Variants in NLGN1 observed in about 807,000 individuals in gnomAD.
NLGN1 encodes the protein neuroligin-1.
In NLGN1, 12 loss-of-function variants were observed where a neutral mutation model predicts 65.5. The observed-to-expected ratio is 0.18, with a 90% confidence interval of 0.12 to 0.30. The LOEUF (loss-of-function observed/expected upper bound fraction) is 0.30. NLGN1 is among the 10% of genes least tolerant of loss of function. The probability of loss-of-function intolerance (pLI) is 1.00; values close to 1 mark genes in which losing one functional copy is unlikely to be tolerated. For synonymous variants in NLGN1, 350 were observed against 359.5 expected (o/e 0.97, Z 0.30); for missense variants, 750 against 1,007.1 (o/e 0.74, Z 3.46).
rs77605560 is a variant in NLGN1 at position 173,470,473 on chromosome 3, A to G, written c.-321+35395A>G. Among the ~76,000 whole-genome samples the G allele has an allele frequency of 6.1e-3, 921 of 152,152 alleles. 15 individuals carry two copies. Among genetic ancestry groups the G allele is most frequent in the African/African-American group, 0.021 (889 of 41,534 alleles). On this transcript the variant is annotated intron_variant, in intron 2 of 6. Transcript: ENST00000457714. ...CTGACCTCATCCTTTATCCCCAAAC[A>G]CACGTAGCGCTTGTAGCAGAGGGAC...
chr3:174,063,472 T>G (rs1001632777), intron 4 of NLGN1, among the ~76,000 whole-genome samples: 2 of 152,172 alleles, frequency 1.3e-5, no homozygotes, highest in African/African-American at 4.8e-5. Context: ...TTCTTTTATT[T>G]TCTTATTTTT....
intron 2 of NLGN1, among the ~76,000 whole-genome samples, chr3:173,538,269 G>A (rs867221666): frequency 1.3e-5 from 2 of 152,120 alleles, no homozygotes; most frequent in Non-Finnish European, 2.9e-5. Context: ...TCACTGTAAC[G>A]AAATCTTTAG....
intron 2 of NLGN1, among the ~76,000 whole-genome samples, chr3:173,545,457 A>G (rs1451172438): frequency 6.6e-6 from 1 of 152,232 alleles, no homozygotes; most frequent in Admixed American, 6.5e-5. Context: ...AAAACTTACA[A>G]CTTTAACAAA....
intron 4 of NLGN1, among the ~76,000 whole-genome samples, chr3:174,096,637 A>C (rs1273058064): frequency 6.6e-6 from 1 of 152,180 alleles, no homozygotes; most frequent in African/African-American, 2.4e-5. Flanking sequence ...AATATATTAT[A>C]AATTTTAGAA....
chr3:174,192,097 C>T (rs1056890263), intron 4 of NLGN1, among the ~76,000 whole-genome samples: 5 of 151,812 alleles, frequency 3.3e-5, no homozygotes, highest in Admixed American at 6.6e-5. Flanking sequence ...CATCATATTC[C>T]GTTGTATATT....
chr3:173,468,658 C>T (rs1247070633), intron 2 of NLGN1, among the ~76,000 whole-genome samples: 2 of 151,994 alleles, frequency 1.3e-5, no homozygotes, highest in African/African-American at 4.8e-5. Flanking sequence ...TTGAATTCAA[C>T]GTTTTCCCAT....
At chr3:173,969,536 A>G (rs114469078) in intron 4 of NLGN1, among the ~76,000 whole-genome samples, 2,321 of 152,208 alleles carry the variant, frequency 0.015, 65 homozygotes, top group African/African-American at 0.052. Flanking sequence ...TACATTGACA[A>G]CATATATAAA....
In NLGN1 at chr3:174,263,001, G is replaced by A. The variant is rs1238167420; in HGVS notation, c.647-12314G>A. On this transcript the variant is annotated intron_variant, in intron 4 of 6. Transcript: ENST00000457714. ...TCCATGTAGTTGAGCGGCTTTGAGTGAGATTCTTAATCCTGAGTTCTAGTT... is the reference window on the plus strand; with the variant it reads ...TCCATGTAGTTGAGCGGCTTTGAGTAAGATTCTTAATCCTGAGTTCTAGTT... Among the ~76,000 whole-genome samples the A allele has an allele frequency of 2.7e-3, 343 of 128,328 alleles. 3 individuals carry two copies. Among genetic ancestry groups the A allele is most frequent in the Non-Finnish European group, 4.2e-3 (259 of 61,940 alleles). 84.2% of individuals were successfully genotyped at this position (128,328 alleles called of 152,430 possible).
chr3:174,098,769 G>A (rs577861028), intron 4 of NLGN1, among the ~76,000 whole-genome samples: 1 of 152,276 alleles, frequency 6.6e-6, no homozygotes, highest in African/African-American at 2.4e-5. Flanking sequence ...AGTAACAAGA[G>A]TATAATCGAT....
chr3:173,652,604 TTGTC>T (rs1187849989), intron 3 of NLGN1, among the ~76,000 whole-genome samples: 1 of 152,126 alleles, frequency 6.6e-6, no homozygotes, highest in Non-Finnish European at 1.5e-5. Flanking sequence ...GTTGATCTAT[TTGTC>T]TGTTTGTATA....
intron 2 of NLGN1, among the ~76,000 whole-genome samples, chr3:173,498,488 A>C (rs1405804035): frequency 4.0e-5 from 6 of 151,774 alleles, no homozygotes; most frequent in Non-Finnish European, 8.8e-5. Context: ...AGTCTTTACT[A>C]TTGTGAATAG....
At chr3:173,501,755 A>G (rs912867903) in intron 2 of NLGN1, among the ~76,000 whole-genome samples, 1 of 151,778 alleles carries the variant, frequency 6.6e-6, no homozygotes, top group Non-Finnish European at 1.5e-5. Context: ...TGTTCAGTGT[A>G]TGTAAAAACA....
intron 3 of NLGN1, among the ~76,000 whole-genome samples, chr3:173,718,021 A>T (rs1369834538): frequency 6.6e-6 from 1 of 152,094 alleles, no homozygotes; most frequent in East Asian, 1.9e-4. Flanking sequence ...TTTTTTATTG[A>T]CATTAAACAA....
chr3:174,286,950 ACTT>A, downstream of NLGN1, among the ~76,000 whole-genome samples: 1 of 151,624 alleles, frequency 6.6e-6, no homozygotes, highest in Middle Eastern at 3.4e-3. Flanking sequence ...AGGAAGAAAA[ACTT>A]CTCAATTTTA....
intron 4 of NLGN1, among the ~76,000 whole-genome samples, chr3:174,083,411 G>A (rs1005393409): frequency 3.3e-5 from 5 of 152,000 alleles, no homozygotes; most frequent in African/African-American, 9.7e-5. Context: ...CACATAGTAG[G>A]TAGTAAATAT....
At chr3:173,937,162 A>G (rs1446271512) in intron 4 of NLGN1, among the ~76,000 whole-genome samples, 3 of 152,070 alleles carry the variant, frequency 2.0e-5, no homozygotes, top group Non-Finnish European at 4.4e-5. Flanking sequence ...TAGAAATGTG[A>G]CCAAAATTAG....
intron 3 of NLGN1, among the ~76,000 whole-genome samples, chr3:173,730,610 T>C (rs1772658954): frequency 6.6e-6 from 1 of 152,074 alleles, no homozygotes; most frequent in African/African-American, 2.4e-5. Context: ...GTCACTGTAC[T>C]GGACAGCACT....
intron 4 of NLGN1, among the ~76,000 whole-genome samples, chr3:174,200,963 A>G (rs1187905853): frequency 6.6e-6 from 1 of 152,168 alleles, no homozygotes; most frequent in Admixed American, 6.5e-5. Context: ...CTGTCAGGGC[A>G]TGGTTGTTCA....
rs1264263741 is a variant in NLGN1 at position 173,552,364 on chromosome 3, T to TC, written c.-320-51914dup. Among the ~76,000 whole-genome samples the TC allele has an allele frequency of 2.0e-5, 3 of 152,288 alleles. No homozygotes were observed. In the East Asian group the frequency reaches 5.8e-4, roughly 29 times the overall value. On this transcript the variant is annotated intron_variant, in intron 2 of 6. Coordinates refer to ENST00000457714, the Ensembl canonical transcript of NLGN1. The stretch of plus-strand genomic sequence containing the variant: ...AAATAATTTGAGAGAGTTTTTTTTT[T>TC]CTCAAAGGATCTATGCATCAGATAA...
Sources: allele counts gnomAD v4.1 joint callset (sites outside exome capture counted in the v4.1 genomes callset), GRCh38; gene constraint gnomAD v4.1.1; transcripts MANE v1.5; gene names NCBI Gene and HGNC (gene_info 2026-07-23, HGNC 2026-07-21).